The following CCAR1 variants were observed in gnomAD, a reference collection of about 807,000 sequenced individuals.
CCAR1 encodes the protein cell division cycle and apoptosis regulator protein 1.
CCAR1 carries 78 observed loss-of-function variants against 163.8 expected under a neutral mutation model. That is an observed-to-expected ratio of 0.48 (90% CI 0.40 to 0.57). The LOEUF is 0.57. Among genes scored for constraint, CCAR1 ranks in the 20% least tolerant of loss-of-function variants. The pLI, the probability that CCAR1 is intolerant of heterozygous loss-of-function variation, is 0.00. For missense variants in CCAR1, 1,019 were observed against 1,365.2 expected, an observed-to-expected ratio of 0.75 and a Z score of 4.00; for synonymous variants, 443 against 460.7, an observed-to-expected ratio of 0.96 and a Z score of 0.49.
rs1589185765 is a variant in CCAR1, at chr10:68,772,972, G to T, written c.2539-16G>T. On this transcript the variant is annotated splice_polypyrimidine_tract_variant and intron_variant, in intron 18 of 24. Coordinates refer to ENST00000265872, the MANE Select transcript of CCAR1 (RefSeq NM_018237.4). The stretch of plus-strand genomic sequence containing the variant: ...AAAAATAAGTAAATAAATAATAAAG[G>T]CATTTTAAATTATAGAAAGAAGATA... 2 of 1,214,432 alleles carry T rather than the reference G, an allele frequency of 1.6e-6. No individual in the cohort carries two copies. The highest frequency in any genetic ancestry group is 5.1e-5 in the East Asian group (2 of 39,328). The allele number at this position is 1,214,432 out of a possible 1,614,324, so 75.2% of individuals were successfully genotyped here. A position where few individuals can be genotyped will look rare whatever the true frequency, so the allele number is the denominator to read the frequency against.
At chr10:68,758,638 TAC>T (rs2056428617) in intron 15 of CCAR1, among the ~76,000 whole-genome samples, 1 of 110,782 alleles carries the variant, frequency 9.0e-6, no homozygotes, top group African/African-American at 3.0e-5. Context: ...TATGTATATA[TAC>T]ACACGTGTAT....
chr10:68,754,177 C>A, intron 11 of CCAR1, 100 bp downstream of exon 11: 1 of 752,450 alleles, frequency 1.3e-6, no homozygotes, highest in Non-Finnish European at 2.1e-6. Flanking sequence ...GTTAGGTAGA[C>A]CCGAATACCT....
chr10:68,788,130 T>C lies in CCAR1; in HGVS notation c.3002-13T>C. 2 of 1,538,632 alleles carry C rather than the reference T, an allele frequency of 1.3e-6. No individual in the cohort carries two copies. Among genetic ancestry groups the C allele is most frequent in the Non-Finnish European group, 1.7e-6 (2 of 1,143,732 alleles). On this transcript the variant is annotated splice_polypyrimidine_tract_variant and intron_variant, in intron 22 of 24. Transcript: ENST00000265872. ...AAATAACTTACTAAAATATGGTATA[T>C]TTTATATTATAGGAAACAGATTATT...
chr10:68,731,029 GTTTCA>G lies in CCAR1; in HGVS notation c.74-5838_74-5834del, dbSNP rs2056031231. Among the ~76,000 whole-genome samples, 4 of 152,114 alleles carry G rather than the reference GTTTCA, an allele frequency of 2.6e-5. No homozygotes were observed. The South Asian group carries it at 6.2e-4, about 24-fold the overall frequency. ...TAGTAGATAGCCTGTGGTCATTTTG[GTTTCA>G]TTTCATTTAGTTATTTGTGATATAA... On this transcript the variant is annotated intron_variant, in intron 2 of 24. Coordinates refer to ENST00000265872, the MANE Select transcript of CCAR1 (RefSeq NM_018237.4).
chr10:68,722,863 A>G (rs554805359), intron 2 of CCAR1, among the ~76,000 whole-genome samples: 9 of 152,138 alleles, frequency 5.9e-5, no homozygotes, highest in Middle Eastern at 3.4e-3. Context: ...TGGAGGTTGC[A>G]GTTAGCTGAG....
chr10:68,745,428 A>G (rs1779043903), intron 6 of CCAR1, among the ~76,000 whole-genome samples: 1 of 150,584 alleles, frequency 6.6e-6, no homozygotes, highest in African/African-American at 2.4e-5. Context: ...CAGCCTCTGA[A>G]GTAGCTGGGA....
intron 18 of CCAR1, among the ~76,000 whole-genome samples, chr10:68,772,620 C>T (rs1324201637): frequency 6.6e-6 from 1 of 151,760 alleles, no homozygotes; most frequent in Non-Finnish European, 1.5e-5. Flanking sequence ...AAGCCAGGCA[C>T]AGTGGCTCAC....
chr10:68,785,022 A>C (rs1054674441), intron 19 of CCAR1, among the ~76,000 whole-genome samples: 2 of 145,626 alleles, frequency 1.4e-5, no homozygotes, highest in Non-Finnish European at 3.0e-5. Context: ...GGTTCACGCC[A>C]TTCTCCTGTC....
At chr10:68,727,073 T>G (rs1227834919) in intron 2 of CCAR1, among the ~76,000 whole-genome samples, 24 of 149,580 alleles carry the variant, frequency 1.6e-4, no homozygotes, top group African/African-American at 4.4e-4. Context: ...TTTTTTTTTT[T>G]GTTTTTTTTT....
chr10:68,789,539 A>G (rs34947078), intron 23 of CCAR1, among the ~76,000 whole-genome samples, 171 bp from the exon 24 acceptor site: 1 of 152,182 alleles, frequency 6.6e-6, no homozygotes, highest in African/African-American at 2.4e-5. Flanking sequence ...AAAAGTAAAT[A>G]CATAAATAAA....
intron 2 of CCAR1, among the ~76,000 whole-genome samples, chr10:68,735,240 C>G (rs1162968): frequency 0.66 from 100,818 of 151,920 alleles, 34,160 homozygotes; most frequent in Non-Finnish European, 0.73. Context: ...CCCACCTACT[C>G]GGAAGGCTGA....
chr10:68,723,222 C>T (rs757147084), intron 2 of CCAR1, among the ~76,000 whole-genome samples: 19 of 151,060 alleles, frequency 1.3e-4, no homozygotes, highest in East Asian at 2.0e-4. Context: ...CCCGGGTTCA[C>T]GCCATTCTCC....
At position 68,765,951 on chromosome 10, in the gene CCAR1, C is replaced by T; in HGVS notation, c.2170C>T (p.Pro724Ser). Residue 724 changes from proline (P) to serine (S), a missense_variant, in exon 17 of 25, where the codon CCT becomes TCT. Around this residue, in one of 4 missense-constraint regions of CCAR1, gnomAD observed 644 missense variants for 904.4 expected, o/e 0.71. Coordinates refer to ENST00000265872, the MANE Select transcript of CCAR1 (RefSeq NM_018237.4). ...RQRRERRYIL[P>S]DEPAIIVHPN... ...GCGTCGAGAAAGAAGATATATTTTG[C>T]CTGATGAACCGGCCATCATTGTACA... The T allele has an allele frequency of 1.2e-6, 2 of 1,613,894 alleles. No homozygotes were observed. Among genetic ancestry groups the T allele is most frequent in the South Asian group, 1.1e-5 (1 of 91,058 alleles).
At chr10:68,751,596 C>A (rs1050599692) in intron 10 of CCAR1, among the ~76,000 whole-genome samples, 1 of 152,056 alleles carries the variant, frequency 6.6e-6, no homozygotes, top group Non-Finnish European at 1.5e-5. Context: ...GGTGCAGTGG[C>A]TGACGCCTGT....
intron 1 of CCAR1, 119 bp from the exon 2 acceptor site, chr10:68,722,336 T>A: frequency 1.6e-6 from 1 of 630,800 alleles, no homozygotes; most frequent in Admixed American, 2.5e-5. Context: ...ACAGTTGTTA[T>A]TTCTGCTGAA....
intron 19 of CCAR1, among the ~76,000 whole-genome samples, chr10:68,778,077 G>A (rs2056690295): frequency 6.6e-6 from 1 of 151,944 alleles, no homozygotes; most frequent in Non-Finnish European, 1.5e-5. Flanking sequence ...TTAGCTGGGT[G>A]TGGTGGTACA....
chr10:68,743,519 T>C (rs539759842), intron 6 of CCAR1, among the ~76,000 whole-genome samples: 13 of 151,866 alleles, frequency 8.6e-5, no homozygotes, highest in African/African-American at 3.1e-4. Flanking sequence ...AGTGTGGAAT[T>C]TTGTTTCTTT....
chr10:68,755,059 ATAG>A, intron 12 of CCAR1: 2 of 601,888 alleles, frequency 3.3e-6, no homozygotes, highest in South Asian at 2.0e-5. Flanking sequence ...TATTTGTAAC[ATAG>A]TAGAATATTA....
intron 2 of CCAR1, among the ~76,000 whole-genome samples, chr10:68,725,291 T>C (rs1283553254): frequency 1.3e-5 from 2 of 151,818 alleles, no homozygotes; most frequent in Admixed American, 6.6e-5. Context: ...CAGTGAAACC[T>C]CCTCTCTACT....
Sources: allele counts gnomAD v4.1 joint callset (sites outside exome capture counted in the v4.1 genomes callset), GRCh38; gene constraint gnomAD v4.1.1; regional missense constraint gnomAD v4.1.1; transcripts MANE v1.5; gene names NCBI Gene and HGNC (gene_info 2026-07-23, HGNC 2026-07-21).